The following CBFA2T2 variants were observed in gnomAD, a reference collection of about 807,000 sequenced individuals.
CBFA2T2 encodes protein CBFA2T2.
In CBFA2T2, 11 loss-of-function variants were observed where a neutral mutation model predicts 62.2. The observed-to-expected ratio is 0.18, with a 90% CI of 0.11 to 0.29. The LOEUF (loss-of-function observed/expected upper bound fraction) is 0.29. CBFA2T2 is among the 10% of genes least tolerant of loss of function. The pLI, the probability that CBFA2T2 is intolerant of heterozygous loss-of-function variation, is 1.00. For synonymous variants in CBFA2T2, 295 were observed against 287.5 expected, an observed-to-expected ratio of 1.03 and a Z score of -0.27; for missense variants, 592 against 774.1, an observed-to-expected ratio of 0.76 and a Z score of 2.79.
At chr20:33,612,200 A>T (rs1339833092) in intron 3 of CBFA2T2, among the ~76,000 whole-genome samples, 1 of 152,196 alleles carries the variant, frequency 6.6e-6, no homozygotes, top group Non-Finnish European at 1.5e-5. Flanking sequence ...CACGTGGTGA[A>T]CCTGTGGCAT....
chr20:33,542,341 T>A (rs938485241), intron 1 of CBFA2T2, among the ~76,000 whole-genome samples: 1 of 152,194 alleles, frequency 6.6e-6, no homozygotes, highest in African/African-American at 2.4e-5. Context: ...AGGAACTAGA[T>A]CTATTTTGTT....
intron 1 of CBFA2T2, among the ~76,000 whole-genome samples, chr20:33,577,014 T>C (rs1303903098): frequency 6.6e-6 from 1 of 152,236 alleles, no homozygotes; most frequent in African/African-American, 2.4e-5. Context: ...CACTCCATAA[T>C]AGATGAATTG....
intron 1 of CBFA2T2, among the ~76,000 whole-genome samples, chr20:33,600,182 GTTTTTTTTTTT>G (rs1183371343): frequency 1.8e-4 from 11 of 62,066 alleles, no homozygotes; most frequent in East Asian, 6.3e-4. Context: ...CTTTTGGAAA[GTTTTTTTTTTT>G]TTTTTTTTTT....
At chr20:33,503,112 A>G (rs1283824517) in intron 1 of CBFA2T2, among the ~76,000 whole-genome samples, 2 of 150,874 alleles carry the variant, frequency 1.3e-5, no homozygotes, top group Non-Finnish European at 3.0e-5. Context: ...AAAAAAAAAA[A>G]AAAGATTTGG....
chr20:33,490,286 G>T lies in CBFA2T2; in HGVS notation c.19G>T (p.Ala7Ser). 1 of 1,266,986 alleles carries T rather than the reference G, an allele frequency of 7.9e-7. No homozygotes were observed. The allele number at this position is 1,266,986 out of a possible 1,614,324, so 78.5% of individuals were successfully genotyped here. Residue 7 changes from alanine (A) to serine (S), a missense_variant, in exon 1 of 11, where the codon GCG (alanine) becomes TCG (serine). Around this residue, in one of 3 missense-constraint regions of CBFA2T2, gnomAD observed 449 missense variants for 551.2 expected, o/e 0.81. Coordinates refer to ENST00000342704, the MANE Select transcript of CBFA2T2 (RefSeq NM_001032999.3). Reference protein sequence around the residue: MVGVPGAAAFQLGPEKR... With the variant: MVGVPGSAAFQLGPEKR... Reference sequence around the variant, plus strand: ...CTCGGCGATGGTAGGCGTCCCTGGAGCGGCCGCCTTCCAGCGTAAGTGGGG... The same window carrying T: ...CTCGGCGATGGTAGGCGTCCCTGGATCGGCCGCCTTCCAGCGTAAGTGGGG...
chr20:33,496,589 A>G (rs1300730377), intron 1 of CBFA2T2, among the ~76,000 whole-genome samples: 7 of 152,246 alleles, frequency 4.6e-5, no homozygotes, highest in African/African-American at 1.7e-4. Context: ...GTGGAATGGT[A>G]AATGACCATA....
intron 1 of CBFA2T2, among the ~76,000 whole-genome samples, chr20:33,564,348 C>CA (rs1442588161): frequency 6.6e-6 from 1 of 151,410 alleles, no homozygotes; most frequent in East Asian, 1.9e-4. Flanking sequence ...CTGCAACCTC[C>CA]ACCTCCCGGG....
At chr20:33,614,976 A>AGG (rs1299550822) in intron 3 of CBFA2T2, among the ~76,000 whole-genome samples, 9 of 152,212 alleles carry the variant, frequency 5.9e-5, no homozygotes, top group African/African-American at 1.7e-4. Context: ...TTTTGTACAG[A>AGG]ACCATTACAA....
chr20:33,507,524 A>G (rs888838037), intron 1 of CBFA2T2, among the ~76,000 whole-genome samples: 1 of 152,218 alleles, frequency 6.6e-6, no homozygotes, highest in African/African-American at 2.4e-5. Context: ...TGAAACGAAC[A>G]AAGAATACTT....
At position 33,614,793 on chromosome 20, in the gene CBFA2T2, C is replaced by CTGTT. The variant is rs554370867; in HGVS notation, c.420+3459_420+3462dup. Among the ~76,000 whole-genome samples, 306 of 152,224 alleles carry CTGTT rather than the reference C, an allele frequency of 2.0e-3. 1 individual carries two copies. Among genetic ancestry groups the CTGTT allele is most frequent in the Admixed American group, 4.0e-3 (61 of 15,286 alleles). ...TATGTCTATATCACATTTTATTGATCTGTTAATTCCCCAATGGACACATGG... is the reference window on the plus strand; with the variant it reads ...TATGTCTATATCACATTTTATTGATCTGTTTGTTAATTCCCCAATGGACACATGG... On this transcript the variant is annotated intron_variant, in intron 3 of 10. Coordinates refer to ENST00000342704, the MANE Select transcript of CBFA2T2 (RefSeq NM_001032999.3).
chr20:33,594,886 C>G (rs1375508071), intron 1 of CBFA2T2, among the ~76,000 whole-genome samples: 2 of 152,192 alleles, frequency 1.3e-5, no homozygotes, highest in Non-Finnish European at 2.9e-5. Context: ...TAATTTAAGT[C>G]TTTTCTGTTC....
Position 33,623,954 on chromosome 20 carries a change from GAA to G in CBFA2T2, c.692+671_692+672del, listed in dbSNP as rs761906454. ...TTGATGCTGTTTGTAGAAAGAATTGGAAAAAAAAAAAAAAGAAAAGAAAAGAA... is the reference window on the plus strand; with the variant it reads ...TTGATGCTGTTTGTAGAAAGAATTGGAAAAAAAAAAAAGAAAAGAAAAGAA... On this transcript the variant is annotated intron_variant, in intron 5 of 10. Transcript: ENST00000342704. 5.9e-3 allele frequency: 1,833 copies of G among 312,512 alleles called. 4 individuals are homozygous for G. Among genetic ancestry groups the G allele is most frequent in the African/African-American group, 0.029 (697 of 24,222 alleles). The allele number at this position is 312,512 out of a possible 1,614,324, so 19.4% of individuals were successfully genotyped here. A position where few individuals can be genotyped will look rare whatever the true frequency, so the allele number is the denominator to read the frequency against.
intron 1 of CBFA2T2, among the ~76,000 whole-genome samples, chr20:33,560,329 G>A (rs2013039626): frequency 6.6e-6 from 1 of 152,250 alleles, no homozygotes; most frequent in African/African-American, 2.4e-5. Context: ...CTTGTCAGCA[G>A]TGGGGTGTAG....
intron 1 of CBFA2T2, among the ~76,000 whole-genome samples, chr20:33,587,622 A>G (rs976730155): frequency 6.7e-6 from 1 of 149,696 alleles, no homozygotes; most frequent in Non-Finnish European, 1.5e-5. Context: ...GATGGTCTCA[A>G]TCTCCTGACC....
chr20:33,572,160 T>G (rs1176366914), intron 1 of CBFA2T2, among the ~76,000 whole-genome samples: 1 of 152,194 alleles, frequency 6.6e-6, no homozygotes, highest in South Asian at 2.1e-4. Context: ...TATGAGGAAG[T>G]CCCTCATAAA....
chr20:33,531,907 G>A (rs1166012374), intron 1 of CBFA2T2, among the ~76,000 whole-genome samples: 1 of 152,198 alleles, frequency 6.6e-6, no homozygotes, highest in East Asian at 1.9e-4. Context: ...TCAAAGGTAG[G>A]AAAGTAAGAA....
chr20:33,631,231 G>A (rs1025543313), intron 8 of CBFA2T2, among the ~76,000 whole-genome samples: 41 of 152,172 alleles, frequency 2.7e-4, no homozygotes, highest in Non-Finnish European at 4.6e-4. Context: ...GGAGAATGGC[G>A]TGAACCCCGG....
At chr20:33,585,754 A>G (rs2014336132) in intron 1 of CBFA2T2, among the ~76,000 whole-genome samples, 1 of 152,204 alleles carries the variant, frequency 6.6e-6, no homozygotes, top group Middle Eastern at 3.2e-3. Flanking sequence ...GAACTAATGG[A>G]AGCGAACAAG....
At chr20:33,598,776 G>A (rs1371138649) in intron 1 of CBFA2T2, among the ~76,000 whole-genome samples, 1 of 152,222 alleles carries the variant, frequency 6.6e-6, no homozygotes, top group East Asian at 1.9e-4. Context: ...AGTAAAGACA[G>A]GCATAAGAAA....
Sources: allele counts gnomAD v4.1 joint callset (sites outside exome capture counted in the v4.1 genomes callset), GRCh38; gene constraint gnomAD v4.1.1; regional missense constraint gnomAD v4.1.1; transcripts MANE v1.5; gene names NCBI Gene and HGNC (gene_info 2026-07-23, HGNC 2026-07-21).